Variants in CSMD1 observed in about 807,000 individuals in gnomAD.
CSMD1 encodes the protein CUB and sushi domain-containing protein 1.
Under a neutral mutation model 417.5 loss-of-function variants are expected in CSMD1, and 213 were observed. That is an observed-to-expected ratio of 0.51 (90% CI 0.46 to 0.57). CSMD1 has a LOEUF of 0.57. Ranked by LOEUF, CSMD1 falls within the 20% of genes least tolerant of loss-of-function variation. The probability of loss-of-function intolerance (pLI) is 0.00; values close to 1 mark genes in which losing one functional copy is unlikely to be tolerated. For missense variants in CSMD1, 6,923 were observed against 4,529.7 expected, an observed-to-expected ratio of 1.53 and a Z score of -15.17; for synonymous variants, 2,862 against 1,736.8, an observed-to-expected ratio of 1.65 and a Z score of -16.11.
At chr8:3,349,774 T>C in intron 21 of CSMD1, among the ~76,000 whole-genome samples, 1 of 136,766 alleles carries the variant, frequency 7.3e-6, no homozygotes, top group South Asian at 2.3e-4. Context: ...AAAATAGATA[T>C]AAGTCTAAAT....
Position 4,754,857 on chromosome 8 carries a change from G to A in CSMD1, c.86-117299C>T, listed in dbSNP as rs114889692. ...GAGCAAGACTTAAAAAAACAAAGTC[G>A]GATGAGTGTGGTGGTTCACACCTGT... On this transcript the variant is annotated intron_variant, in intron 1 of 69. Coordinates refer to ENST00000635120, the MANE Select transcript of CSMD1 (RefSeq NM_033225.6). 3.6e-3 allele frequency among the ~76,000 whole-genome samples: 536 copies of A among 150,742 alleles called. 2 individuals carry two copies. The highest frequency in any genetic ancestry group is 0.013 in the African/African-American group (513 of 41,022).
chr8:3,552,967 GA>G (rs1234254619), intron 10 of CSMD1, among the ~76,000 whole-genome samples: 14 of 152,036 alleles, frequency 9.2e-5, no homozygotes, highest in Non-Finnish European at 1.5e-4. Flanking sequence ...TTATATTTCA[GA>G]AATAGTTCAC....
At chr8:4,146,508 T>G (rs930419620) in intron 3 of CSMD1, among the ~76,000 whole-genome samples, 2 of 149,272 alleles carry the variant, frequency 1.3e-5, no homozygotes, top group South Asian at 4.2e-4. Context: ...CGTTGTGATG[T>G]GCACAGTGTG....
intron 3 of CSMD1, among the ~76,000 whole-genome samples, chr8:4,118,382 A>G (rs1434521639): frequency 1.3e-5 from 2 of 149,718 alleles, no homozygotes; most frequent in Non-Finnish European, 1.5e-5. Context: ...CAGAATCTAC[A>G]AAGAACTTAA....
At chr8:4,383,564 C>T (rs1312459444) in intron 3 of CSMD1, among the ~76,000 whole-genome samples, 4 of 152,070 alleles carry the variant, frequency 2.6e-5, no homozygotes, top group African/African-American at 9.7e-5. Flanking sequence ...TTATAAACCT[C>T]AAATCTGATT....
chr8:3,984,377 A>G (rs1814146872), intron 5 of CSMD1, among the ~76,000 whole-genome samples: 2 of 152,178 alleles, frequency 1.3e-5, no homozygotes, highest in Non-Finnish European at 2.9e-5. Context: ...CTGTTTTCCT[A>G]TTTAGACTTT....
At chr8:3,475,985 G>A (rs1199902212) in intron 11 of CSMD1, among the ~76,000 whole-genome samples, 4 of 152,172 alleles carry the variant, frequency 2.6e-5, no homozygotes, top group African/African-American at 9.7e-5. Flanking sequence ...TTTCATCTCT[G>A]ATCAAATCTT....
At chr8:3,940,820 AACC>A (rs764154147) in intron 5 of CSMD1, among the ~76,000 whole-genome samples, 12 of 152,000 alleles carry the variant, frequency 7.9e-5, no homozygotes, top group Middle Eastern at 6.8e-3. Flanking sequence ...ATATCTTAAA[AACC>A]ACAACTTAAC....
chr8:4,043,149 A>T (rs945387430), intron 3 of CSMD1, among the ~76,000 whole-genome samples: 1 of 152,096 alleles, frequency 6.6e-6, no homozygotes, highest in African/African-American at 2.4e-5. Flanking sequence ...AAAACAAAAC[A>T]ATAAAAAAAG....
At chr8:4,114,724 G>A (rs922486690) in intron 3 of CSMD1, among the ~76,000 whole-genome samples, 1 of 152,148 alleles carries the variant, frequency 6.6e-6, no homozygotes, top group East Asian at 1.9e-4. Flanking sequence ...GAGTTTAGAA[G>A]AAGTTGATTC....
intron 2 of CSMD1, among the ~76,000 whole-genome samples, chr8:4,491,007 G>C (rs909491259): frequency 1.3e-5 from 2 of 152,126 alleles, no homozygotes; most frequent in African/African-American, 4.8e-5. Context: ...AGTGTATTGA[G>C]GCTAGGGACA....
intron 1 of CSMD1, among the ~76,000 whole-genome samples, chr8:4,766,725 C>G (rs117417715): frequency 6.6e-6 from 1 of 152,184 alleles, no homozygotes; most frequent in Non-Finnish European, 1.5e-5. Flanking sequence ...AACAGAACCT[C>G]CACTAATCCT....
intron 3 of CSMD1, among the ~76,000 whole-genome samples, chr8:4,099,194 TCA>T (rs925698428): frequency 2.8e-5 from 4 of 143,526 alleles, no homozygotes; most frequent in African/African-American, 5.5e-5. Flanking sequence ...ACATACACAC[TCA>T]CACACACACG....
intron 29 of CSMD1, among the ~76,000 whole-genome samples, chr8:3,217,669 G>A (rs1380161140): frequency 1.3e-5 from 2 of 152,118 alleles, no homozygotes; most frequent in Non-Finnish European, 2.9e-5. Context: ...AAACGTGACG[G>A]ATCCCATCTC....
chr8:4,300,037 G>C (rs1318185544), intron 3 of CSMD1, among the ~76,000 whole-genome samples: 5 of 152,186 alleles, frequency 3.3e-5, no homozygotes, highest in East Asian at 3.8e-4. Context: ...AGGCCACAAA[G>C]AGTGAGAGGA....
chr8:4,920,846 GAA>G (rs778335912), intron 1 of CSMD1, among the ~76,000 whole-genome samples: 2 of 62,556 alleles, frequency 3.2e-5, no homozygotes, highest in African/African-American at 2.5e-4. Context: ...GAGAACGAAA[GAA>G]AAGAAAAGAA....
chr8:4,542,064 G>A (rs1177781949), intron 2 of CSMD1, among the ~76,000 whole-genome samples: 1 of 152,050 alleles, frequency 6.6e-6, no homozygotes, highest in Non-Finnish European at 1.5e-5. Context: ...TGTGCAATGG[G>A]CGCCCTCTAG....
At chr8:4,456,422 A>G (rs1327844040) in intron 2 of CSMD1, among the ~76,000 whole-genome samples, 1 of 152,116 alleles carries the variant, frequency 6.6e-6, no homozygotes, top group Non-Finnish European at 1.5e-5. Flanking sequence ...TCTTAGAAAA[A>G]AAGTATTTTT....
chr8:3,359,426 T>TAAAA, intron 20 of CSMD1, 86 bp from the exon 21 acceptor site: 11 of 515,134 alleles, frequency 2.1e-5, no homozygotes, highest in East Asian at 3.5e-5. Flanking sequence ...GTGCTATTAC[T>TAAAA]AAAAAAAAAA....
Sources: allele counts gnomAD v4.1 joint callset (sites outside exome capture counted in the v4.1 genomes callset), GRCh38; gene constraint gnomAD v4.1.1; transcripts MANE v1.5; gene names NCBI Gene and HGNC (gene_info 2026-07-23, HGNC 2026-07-21).